The following DPP6 variants were observed in gnomAD, a reference collection of about 807,000 sequenced individuals.
The protein encoded by DPP6 is dipeptidyl peptidase like 6.
In DPP6, 69 loss-of-function variants were observed where a neutral mutation model predicts 122.6. That is an observed-to-expected ratio of 0.56 (90% CI 0.46 to 0.69). The LOEUF is 0.69. Among genes scored for constraint, DPP6 ranks in the 30% least tolerant of loss-of-function variants. The pLI, the probability that DPP6 is intolerant of heterozygous loss-of-function variation, is 0.00. For missense variants in DPP6, 928 were observed against 1,116.9 expected, an observed-to-expected ratio of 0.83 and a Z score of 2.41; for synonymous variants, 418 against 433.1, an observed-to-expected ratio of 0.97 and a Z score of 0.43.
chr7:153,889,391 T>TA (rs1276810288), intron 1 of DPP6, among the ~76,000 whole-genome samples: 3 of 152,226 alleles, frequency 2.0e-5, no homozygotes, highest in Non-Finnish European at 4.4e-5. Context: ...ATTCCTAACT[T>TA]ACGTGATGCC....
At chr7:154,291,829 C>T (rs935217461) in intron 1 of DPP6, among the ~76,000 whole-genome samples, 4 of 152,194 alleles carry the variant, frequency 2.6e-5, no homozygotes, top group African/African-American at 7.2e-5. Context: ...TGAACCTAGG[C>T]ATGGACATTT....
In DPP6 at chr7:154,893,584, C is replaced by T. The variant is rs539868060; in HGVS notation, c.*1104C>T. The T allele has an allele frequency of 3.9e-5, 6 of 151,910 alleles. No individual in the cohort carries two copies. The highest frequency in any genetic ancestry group is 1.9e-4 in the East Asian group (1 of 5,166). The allele number at this position is 151,910 out of a possible 1,614,324, so 9.4% of individuals were successfully genotyped here. A position where few individuals can be genotyped will look rare whatever the true frequency, so the allele number is the denominator to read the frequency against. On this transcript the variant is annotated 3_prime_UTR_variant, in exon 26 of 26. Coordinates refer to ENST00000377770, the MANE Select transcript of DPP6 (RefSeq NM_130797.4). ...GGGCCTGCGCGCATCCCTCTCCCAT[C>T]GTGGGGGTGGCTCCGTGACCTTCCT...
chr7:153,814,952 C>T, the DPP6 span, among the ~76,000 whole-genome samples: 22 of 152,152 alleles, frequency 1.4e-4, no homozygotes, highest in East Asian at 3.3e-3. Flanking sequence ...ATTGATGGGA[C>T]GTATCTCAAA....
chr7:154,374,756 C>T (rs1398525321), intron 1 of DPP6, among the ~76,000 whole-genome samples: 5 of 151,910 alleles, frequency 3.3e-5, no homozygotes, highest in East Asian at 1.9e-4. Flanking sequence ...GGACTACAGG[C>T]GCCTGCCACC....
the DPP6 span, among the ~76,000 whole-genome samples, chr7:153,806,078 C>G: frequency 2.6e-5 from 4 of 151,820 alleles, no homozygotes; most frequent in Non-Finnish European, 5.9e-5. Flanking sequence ...TATCTGACGT[C>G]AGGAAGAATG....
chr7:154,087,969 C>G (rs1045326288), intron 1 of DPP6, among the ~76,000 whole-genome samples: 5 of 152,200 alleles, frequency 3.3e-5, no homozygotes, highest in Admixed American at 1.3e-4. Flanking sequence ...ATGCACAGAC[C>G]TGCTGCAGAG....
At chr7:154,648,747 A>G (rs1247916079) in intron 6 of DPP6, among the ~76,000 whole-genome samples, 3 of 151,972 alleles carry the variant, frequency 2.0e-5, no homozygotes, top group Non-Finnish European at 2.9e-5. Flanking sequence ...GTGAAACCCC[A>G]TCTCTACTAA....
the DPP6 span, among the ~76,000 whole-genome samples, chr7:153,766,875 C>T: frequency 4.1e-4 from 63 of 152,166 alleles, no homozygotes; most frequent in African/African-American, 1.4e-3. Flanking sequence ...ATCAATGAAA[C>T]GTCTTCTTCT....
At chr7:154,484,978 A>G (rs1450885037) in intron 3 of DPP6, among the ~76,000 whole-genome samples, 1 of 152,048 alleles carries the variant, frequency 6.6e-6, no homozygotes, top group Non-Finnish European at 1.5e-5. Flanking sequence ...TTTTTAAATA[A>G]AGCTTATGGG....
At chr7:154,734,699 T>A (rs1336792655) in intron 8 of DPP6, among the ~76,000 whole-genome samples, 2 of 152,208 alleles carry the variant, frequency 1.3e-5, no homozygotes, top group Admixed American at 6.5e-5. Context: ...TTGACAAAGC[T>A]CCTTTGTGGA....
At chr7:153,956,424 C>G (rs944676974) in intron 1 of DPP6, among the ~76,000 whole-genome samples, 1 of 152,152 alleles carries the variant, frequency 6.6e-6, no homozygotes, top group East Asian at 1.9e-4. Context: ...AGGAGATGGA[C>G]GAGCATCATG....
chr7:154,840,015 A>C (rs778886061), intron 16 of DPP6, among the ~76,000 whole-genome samples: 50 of 152,288 alleles, frequency 3.3e-4, no homozygotes, highest in Non-Finnish European at 4.4e-4. Context: ...CTAATGAGGA[A>C]TCAAGGGTGG....
In DPP6 at chr7:154,879,159, G is replaced by A. The variant is rs564943225; in HGVS notation, c.2079-1729G>A. On this transcript the variant is annotated intron_variant, in intron 20 of 25. Transcript: ENST00000377770. ...CAGGTTCCCTCCTTTTAAAAGACTG[G>A]GGGCTGGGCATGGTGGCTCACGCCT... 8.5e-5 allele frequency among the ~76,000 whole-genome samples: 13 copies of A among 152,284 alleles called. No individual in the cohort carries two copies. The South Asian group carries it at 2.7e-3, about 32-fold the overall frequency.
intron 5 of DPP6, among the ~76,000 whole-genome samples, chr7:154,594,672 A>C (rs956579361): frequency 2.0e-5 from 3 of 152,110 alleles, no homozygotes; most frequent in African/African-American, 7.2e-5. Flanking sequence ...AAAGGAACAC[A>C]ATGCCTTATC....
chr7:154,253,333 A>AATGCAGGTG (rs1294196066), intron 1 of DPP6, among the ~76,000 whole-genome samples: 1 of 152,182 alleles, frequency 6.6e-6, no homozygotes, highest in African/African-American at 2.4e-5. Context: ...AGCAAAAGTG[A>AATGCAGGTG]ATGCAGGTGA....
At chr7:154,854,993 G>A (rs1802710791) in intron 17 of DPP6, among the ~76,000 whole-genome samples, 1 of 152,018 alleles carries the variant, frequency 6.6e-6, no homozygotes, top group South Asian at 2.1e-4. Context: ...CCTAGGTCTG[G>A]GGACAGAGGT....
chr7:153,959,582 A>G (rs1795243459), intron 1 of DPP6, among the ~76,000 whole-genome samples: 2 of 152,202 alleles, frequency 1.3e-5, no homozygotes, highest in African/African-American at 4.8e-5. Flanking sequence ...TCATGAGCCA[A>G]TCTTTGCTAG....
intron 1 of DPP6, among the ~76,000 whole-genome samples, chr7:153,918,015 T>G (rs1359561246): frequency 6.6e-6 from 1 of 152,222 alleles, no homozygotes; most frequent in Non-Finnish European, 1.5e-5. Context: ...GTAGAATGTG[T>G]GTCTGATACA....
intron 1 of DPP6, among the ~76,000 whole-genome samples, chr7:153,918,583 T>A (rs1489868667): frequency 0.33 from 15,559 of 47,606 alleles, 720 homozygotes; most frequent in East Asian, 0.39. Context: ...TCTCTCTCTC[T>A]CTCTCTCTCT....
Sources: allele counts gnomAD v4.1 joint callset (sites outside exome capture counted in the v4.1 genomes callset), GRCh38; gene constraint gnomAD v4.1.1; transcripts MANE v1.5; gene names NCBI Gene and HGNC (gene_info 2026-07-23, HGNC 2026-07-21).